The following CAMK1D variants were observed in gnomAD, a reference collection of about 807,000 sequenced individuals.
The protein encoded by CAMK1D is calcium/calmodulin dependent protein kinase ID.
In CAMK1D, 9 loss-of-function variants were observed where a neutral mutation model predicts 47.7. That is an observed-to-expected ratio of 0.19 (90% confidence interval 0.11 to 0.33). The LOEUF (loss-of-function observed/expected upper bound fraction) is 0.33. CAMK1D is among the 10% of genes least tolerant of loss of function. The pLI, the probability that CAMK1D is intolerant of heterozygous loss-of-function variation, is 1.00. For synonymous variants in CAMK1D, 184 were observed against 184.9 expected (o/e 0.99, Z 0.04); for missense variants, 291 against 488.7 (o/e 0.60, Z 3.81).
In CAMK1D at chr10:12,518,541, A is replaced by AT. The variant is rs1308583637; in HGVS notation, c.93-34681dup. Among the ~76,000 whole-genome samples the AT allele has an allele frequency of 1.8e-4, 5 of 27,686 alleles. No individual in the cohort carries two copies. In the East Asian group the frequency reaches 3.9e-3, roughly 22 times the overall value. The allele number at this position is 27,686 out of a possible 152,430, so 18.2% of individuals were successfully genotyped here. A position where few individuals can be genotyped will look rare whatever the true frequency, so the allele number is the denominator to read the frequency against. Reference sequence around the variant, plus strand: ...TCTTGGGTGTTTCTCGCAGAGGGGGATTTGGCAGGGTCACAGGACAATAGT... The same window carrying AT: ...TCTTGGGTGTTTCTCGCAGAGGGGGATTTTGGCAGGGTCACAGGACAATAGT... On this transcript the variant is annotated intron_variant, in intron 1 of 10. Coordinates refer to ENST00000619168, the MANE Select transcript of CAMK1D (RefSeq NM_153498.4).
At position 12,816,335 on chromosome 10, in the gene CAMK1D, A is replaced by G. The variant is rs767769880; in HGVS notation, c.833+7A>G. 2.5e-6 allele frequency: 4 copies of G among 1,612,148 alleles called. No homozygotes were observed. The highest frequency in any genetic ancestry group is 3.4e-6 in the Non-Finnish European group (4 of 1,178,860). On this transcript the variant is annotated splice_region_variant and intron_variant, in intron 8 of 10. Coordinates refer to ENST00000619168, the MANE Select transcript of CAMK1D (RefSeq NM_153498.4). ...AGGCAGCTCGGCACCCATGGTAAGGAAATGCACCCGCTCAGCAGACCGTGC... is the reference window on the plus strand; with the variant it reads ...AGGCAGCTCGGCACCCATGGTAAGGGAATGCACCCGCTCAGCAGACCGTGC...
chr10:12,494,961 A>G (rs1442928000), intron 1 of CAMK1D, among the ~76,000 whole-genome samples: 3 of 152,226 alleles, frequency 2.0e-5, no homozygotes, highest in Non-Finnish European at 4.4e-5. Context: ...ATCTAGTGAT[A>G]CAGCTGATTC....
chr10:12,555,692 T>TG (rs1836737276), intron 2 of CAMK1D, among the ~76,000 whole-genome samples: 1 of 152,244 alleles, frequency 6.6e-6, no homozygotes, highest in Non-Finnish European at 1.5e-5. Context: ...CATTGTAGAT[T>TG]GAATTCTGGG....
At chr10:12,718,756 T>C (rs991665235) in intron 3 of CAMK1D, among the ~76,000 whole-genome samples, 2 of 152,196 alleles carry the variant, frequency 1.3e-5, no homozygotes, top group African/African-American at 4.8e-5. Context: ...GCTCTTTTGG[T>C]TTTTTTCATT....
intron 2 of CAMK1D, among the ~76,000 whole-genome samples, chr10:12,647,145 C>CTTTTT (rs397693477): frequency 0.037 from 2,862 of 76,758 alleles, 150 homozygotes; most frequent in Non-Finnish European, 0.051. Context: ...CCAGGCTAGC[C>CTTTTT]TTTTTTTTTT....
chr10:12,689,813 A>G (rs1293207749), intron 3 of CAMK1D, among the ~76,000 whole-genome samples: 3 of 151,846 alleles, frequency 2.0e-5, no homozygotes, highest in South Asian at 2.1e-4. Context: ...TGAGCCTGCT[A>G]TTTATAATTT....
chr10:12,553,137 T>C, intron 1 of CAMK1D, 88 bp from the exon 2 acceptor site: 1 of 1,597,564 alleles, frequency 6.3e-7, no homozygotes, highest in Non-Finnish European at 8.5e-7. Context: ...CGTTATTGTT[T>C]ACTCAAACTT....
intron 1 of CAMK1D, among the ~76,000 whole-genome samples, chr10:12,450,656 C>G (rs1023938936): frequency 6.6e-6 from 1 of 152,106 alleles, no homozygotes; most frequent in Non-Finnish European, 1.5e-5. Flanking sequence ...GGTCTGAGAC[C>G]CAGCAGGTTT....
At chr10:12,437,704 C>T (rs2801495) in intron 1 of CAMK1D, among the ~76,000 whole-genome samples, 108,475 of 151,996 alleles carry the variant, frequency 0.71, 40,280 homozygotes, top group Non-Finnish European at 0.83. Flanking sequence ...AGGGCTCACT[C>T]TTGGTGTTGC....
At chr10:12,803,289 A>G (rs1468731459) in intron 6 of CAMK1D, among the ~76,000 whole-genome samples, 1 of 152,242 alleles carries the variant, frequency 6.6e-6, no homozygotes, top group Non-Finnish European at 1.5e-5. Context: ...CCATTTAAAT[A>G]AGGCTGGACT....
intron 1 of CAMK1D, among the ~76,000 whole-genome samples, chr10:12,545,872 G>A (rs1396165465): frequency 6.6e-6 from 1 of 152,054 alleles, no homozygotes; most frequent in East Asian, 1.9e-4. Flanking sequence ...TTCAGGGAAG[G>A]AGGGGGTGGG....
At chr10:12,467,826 A>G (rs1283667281) in intron 1 of CAMK1D, among the ~76,000 whole-genome samples, 1 of 152,192 alleles carries the variant, frequency 6.6e-6, no homozygotes, top group Non-Finnish European at 1.5e-5. Context: ...CTTTGTTCAC[A>G]TGAGGTTTAC....
intron 1 of CAMK1D, among the ~76,000 whole-genome samples, chr10:12,440,507 T>C (rs2025834): frequency 0.031 from 4,708 of 152,218 alleles, 193 homozygotes; most frequent in African/African-American, 0.094. Context: ...AGGCTGGTCT[T>C]GAACTCCTGA....
At chr10:12,819,530 C>A (rs1227214627) in intron 8 of CAMK1D, among the ~76,000 whole-genome samples, 1 of 152,216 alleles carries the variant, frequency 6.6e-6, no homozygotes. Flanking sequence ...AGAATCAGAT[C>A]ATGAATAACA....
intron 5 of CAMK1D, among the ~76,000 whole-genome samples, chr10:12,773,562 T>C (rs1349709611): frequency 6.6e-6 from 1 of 152,210 alleles, no homozygotes; most frequent in African/African-American, 2.4e-5. Flanking sequence ...TTTGAATCCA[T>C]GGATACAAGG....
At chr10:12,428,245 AC>A (rs375788448) in intron 1 of CAMK1D, among the ~76,000 whole-genome samples, 1 of 151,892 alleles carries the variant, frequency 6.6e-6, no homozygotes, top group Non-Finnish European at 1.5e-5. Flanking sequence ...ATTTGAACTT[AC>A]CCTTTCTTAC....
At chr10:12,670,572 G>A (rs899052108) in intron 3 of CAMK1D, among the ~76,000 whole-genome samples, 7 of 150,248 alleles carry the variant, frequency 4.7e-5, no homozygotes, top group South Asian at 2.1e-4. Context: ...TTTTTGAGAC[G>A]GATTCTCACT....
intron 1 of CAMK1D, among the ~76,000 whole-genome samples, chr10:12,413,523 T>TGATGATGGTGATGATGAC (rs1564324248): frequency 6.6e-6 from 1 of 152,002 alleles, no homozygotes; most frequent in African/African-American, 2.4e-5. Flanking sequence ...ATGATGGTGA[T>TGATGATGGTGATGATGAC]AATGGTGATG....
intron 1 of CAMK1D, among the ~76,000 whole-genome samples, chr10:12,357,743 G>A (rs1837559237): frequency 6.6e-6 from 1 of 152,190 alleles, no homozygotes; most frequent in African/African-American, 2.4e-5. Flanking sequence ...TAGTGCAGGA[G>A]GACACGTGGA....
Sources: allele counts gnomAD v4.1 joint callset (sites outside exome capture counted in the v4.1 genomes callset), GRCh38; gene constraint gnomAD v4.1.1; transcripts MANE v1.5; gene names NCBI Gene and HGNC (gene_info 2026-07-23, HGNC 2026-07-21).